RBP4: variants seen among roughly 807,000 people sequenced by gnomAD.
RBP4 encodes the protein retinol binding protein 4, also known as retinol-binding protein 4.
Under a neutral mutation model 26.2 loss-of-function variants are expected in RBP4, and 9 were observed. That is an observed-to-expected ratio of 0.34 (90% confidence interval 0.21 to 0.60). The LOEUF is 0.60. Among genes scored for constraint, RBP4 ranks in the 20% least tolerant of loss-of-function variants. The probability of loss-of-function intolerance (pLI) is 0.80; values close to 1 mark genes in which losing one functional copy is unlikely to be tolerated. For missense variants in RBP4, 244 were observed against 271.3 expected (o/e 0.90, Z 0.71); for synonymous variants, 114 against 111.0 (o/e 1.03, Z -0.17).
Position 93,600,993 on chromosome 10 carries a change from C to T in RBP4, c.36G>A (p.Ala12=), listed in dbSNP as rs1455831085. ...KWVWALLLLA[A]LGSGRAERDC... The stretch of plus-strand genomic sequence containing the variant: ...CGCGCTCCGCGCGGCCGCTGCCCAG[C>T]GCCGCCAACAGCAAGAGCGCCCACA... The change falls in exon 2 of 6, where the codon GCG becomes GCA. Residue 12 remains alanine, a synonymous_variant. Coordinates refer to ENST00000371464, the MANE Select transcript of RBP4 (RefSeq NM_006744.4). 2 of 1,612,154 alleles carry T rather than the reference C, an allele frequency of 1.2e-6. No homozygotes were observed. The highest frequency in any genetic ancestry group is 1.7e-6 in the Non-Finnish European group (2 of 1,179,720).
Position 93,600,700 on chromosome 10 carries a change from C to A in RBP4, c.215G>T (p.Ser72Ile), listed in dbSNP as rs1208647799. Reference protein sequence around the residue: ...EFSVDETGQMSATAKGRVRLL... With the variant: ...EFSVDETGQMIATAKGRVRLL... ...ACGGACTCGGCCCTTGGCTGTGGCG[C>A]TCATCTGGCCGGTCTCGTCCACGGA... Residue 72 changes from serine (S) to isoleucine (I), a missense_variant, in exon 3 of 6, where the codon AGC becomes ATC. Coordinates refer to ENST00000371464, the MANE Select transcript of RBP4 (RefSeq NM_006744.4). The A allele has an allele frequency of 1.2e-6, 2 of 1,610,698 alleles. No individual in the cohort carries two copies. The highest frequency in any genetic ancestry group is 2.7e-5 in the African/African-American group (2 of 74,906).
At chr10:93,593,432 C>T (rs372576568) in intron 5 of RBP4, among the ~76,000 whole-genome samples, 8 of 152,164 alleles carry the variant, frequency 5.3e-5, no homozygotes, top group Non-Finnish European at 1.2e-4. Context: ...GGAGTTTTTA[C>T]GTCAATGGCC....
At chr10:93,597,481 C>T (rs1457224407) in intron 4 of RBP4, among the ~76,000 whole-genome samples, 1 of 152,212 alleles carries the variant, frequency 6.6e-6, no homozygotes, top group Non-Finnish European at 1.5e-5. Context: ...TCTTTATCCC[C>T]ATTTCATAGT....
chr10:93,592,123 CAA>C lies in RBP4; in HGVS notation c.569-13_569-12del. On this transcript the variant is annotated splice_polypyrimidine_tract_variant and intron_variant, in intron 5 of 5. Transcript: ENST00000371464. ...TGCCATCGCAGTAACCTGGAAAATA[CAA>C]AACAAAGCCATTAACGACAGAAAGT... 1 of 1,613,884 alleles carries C rather than the reference CAA, an allele frequency of 6.2e-7. No homozygotes were observed. The highest frequency in any genetic ancestry group is 8.5e-7 in the Non-Finnish European group (1 of 1,179,750).
Position 93,601,163 on chromosome 10 carries a change from C to G in RBP4, c.-19+8G>C. ...GCCGCCGGCCCCGAGGCCCCGGCCG[C>G]GACTCACCACCGGGAGGGGAACCGC... On this transcript the variant is annotated splice_region_variant and intron_variant, in intron 1 of 5. Coordinates refer to ENST00000371464, the MANE Select transcript of RBP4 (RefSeq NM_006744.4). 2 of 1,455,678 alleles carry G rather than the reference C, an allele frequency of 1.4e-6. No homozygotes were observed. Among genetic ancestry groups the G allele is most frequent in the South Asian group, 2.8e-5 (2 of 71,156 alleles). 90.2% of individuals were successfully genotyped at this position (1,455,678 alleles called of 1,614,324 possible).
chr10:93,597,858 T>C (rs1015992265), intron 4 of RBP4, among the ~76,000 whole-genome samples: 3 of 152,180 alleles, frequency 2.0e-5, no homozygotes, highest in African/African-American at 7.2e-5. Context: ...CAAATCCCTC[T>C]GTCCAAGTCA....
chr10:93,591,750 A>G lies in RBP4; in HGVS notation c.*325T>C. The G allele has an allele frequency of 3.0e-6, 1 of 336,110 alleles. No homozygotes were observed. Among genetic ancestry groups the G allele is most frequent in the Non-Finnish European group, 5.5e-6 (1 of 180,664 alleles). 20.8% of individuals were successfully genotyped at this position (336,110 alleles called of 1,614,324 possible). On this transcript the variant is annotated 3_prime_UTR_variant, in exon 6 of 6. Transcript: ENST00000371464. ...TAGGCACTAGAACAGGCCAAAGGTC[A>G]GAAAGAGCCACGTGCTCCTGGTATA...
rs1277908118 is a variant in RBP4, at chr10:93,600,165, T to C, written c.355+228A>G. Reference sequence around the variant, plus strand: ...AAATGACACCTGACAAACCGAAAGGTCCTTTTGAGCTTAGGCCAGGTTTCT... The same window carrying C: ...AAATGACACCTGACAAACCGAAAGGCCCTTTTGAGCTTAGGCCAGGTTTCT... On this transcript the variant is annotated intron_variant, in intron 4 of 5. Transcript: ENST00000371464. 3.3e-5 allele frequency among the ~76,000 whole-genome samples: 5 copies of C among 152,016 alleles called. No homozygotes were observed. The East Asian group carries it at 9.7e-4, about 29-fold the overall frequency.
rs1270239118 is a variant in RBP4 at position 93,592,177 on chromosome 10, ACATCAT to A, written c.569-71_569-66del. ...GACCCAGTTTTTATGTAGATAATGA[ACATCAT>A]GATGGCCTTAGAGCTGGCTTCATTC... On this transcript the variant is annotated intron_variant, in intron 5 of 5. Transcript: ENST00000371464. 58 of 1,362,596 alleles carry A rather than the reference ACATCAT, an allele frequency of 4.3e-5. 1 individual carries two copies. In the Middle Eastern group the frequency reaches 5.3e-4, roughly 13 times the overall value. The allele number at this position is 1,362,596 out of a possible 1,614,324, so 84.4% of individuals were successfully genotyped here. A position where few individuals can be genotyped will look rare whatever the true frequency, so the allele number is the denominator to read the frequency against.
At chr10:93,601,085 C>A in intron 1 of RBP4, 39 bp from the exon 2 acceptor site, 1 of 1,588,328 alleles carries the variant, frequency 6.3e-7, no homozygotes, top group Non-Finnish European at 8.5e-7. Context: ...CGGCAGCCGA[C>A]CCCCGCCGCC....
chr10:93,600,086 CAGG>C (rs903047027), intron 4 of RBP4, among the ~76,000 whole-genome samples: 1 of 152,166 alleles, frequency 6.6e-6, no homozygotes, highest in Non-Finnish European at 1.5e-5. Flanking sequence ...ATGTGAAAGA[CAGG>C]AGGAGAAAGC....
At chr10:93,599,951 T>C (rs1270044572) in intron 4 of RBP4, among the ~76,000 whole-genome samples, 2 of 152,154 alleles carry the variant, frequency 1.3e-5, no homozygotes, top group Non-Finnish European at 2.9e-5. Flanking sequence ...TCCACCCCTA[T>C]GCACAGTGTT....
intron 4 of RBP4, 45 bp downstream of exon 4, chr10:93,600,348 T>C (rs929230291): frequency 1.3e-5 from 20 of 1,541,032 alleles, no homozygotes; most frequent in Middle Eastern, 1.7e-4. Context: ...TTTGGCCCGG[T>C]AGGCGCCCCA....
At chr10:93,597,962 G>C (rs2058312785) in intron 4 of RBP4, among the ~76,000 whole-genome samples, 1 of 152,196 alleles carries the variant, frequency 6.6e-6, no homozygotes. Context: ...ATGTAAAACA[G>C]AACAAGGTAG....
In RBP4 at chr10:93,600,944, C is replaced by T; in HGVS notation, c.85G>A (p.Val29Ile). The T allele has an allele frequency of 6.2e-7, 1 of 1,612,522 alleles. No homozygotes were observed. Among genetic ancestry groups the T allele is most frequent in the South Asian group, 1.1e-5 (1 of 91,086 alleles). ...ERDCRVSSFR[V>I]KENFDKARFS... ...CGAGCCTTGTCGAAGTTCTCCTTGA[C>T]TCGGAAGCTGCTCACTCGGCAGTCG... is the stretch of plus-strand genomic sequence containing the variant. Residue 29 changes from valine to isoleucine, a missense_variant, in exon 2 of 6, where the codon GTC (valine) becomes ATC (isoleucine). Transcript: ENST00000371464.
intron 4 of RBP4, among the ~76,000 whole-genome samples, chr10:93,597,797 G>A (rs1369269547): frequency 6.6e-6 from 1 of 152,228 alleles, no homozygotes; most frequent in Non-Finnish European, 1.5e-5. Context: ...GAGATGCAGT[G>A]TGTGGAGCAG....
intron 4 of RBP4, among the ~76,000 whole-genome samples, chr10:93,594,342 T>TA (rs1245206206): frequency 1.3e-5 from 2 of 151,874 alleles, no homozygotes; most frequent in Non-Finnish European, 2.9e-5. Flanking sequence ...ACCAAGAATG[T>TA]GGGCTCATCA....
intron 4 of RBP4, among the ~76,000 whole-genome samples, chr10:93,598,398 G>C (rs568023272): frequency 2.0e-5 from 3 of 152,196 alleles, no homozygotes; most frequent in Admixed American, 6.5e-5. Flanking sequence ...CATATCTAAA[G>C]TTCCACAAGT....
At position 93,593,985 on chromosome 10, in the gene RBP4, A is replaced by G; in HGVS notation, c.406T>C (p.Tyr136His). 1 of 1,613,956 alleles carries G rather than the reference A, an allele frequency of 6.2e-7. No individual in the cohort carries two copies. Among genetic ancestry groups the G allele is most frequent in the Non-Finnish European group, 8.5e-7 (1 of 1,180,026 alleles). The change falls in exon 5 of 6, where the codon TAC (tyrosine) becomes CAC (histidine). Residue 136 changes from tyrosine to histidine, a missense_variant. Physicochemically the swap from Tyr to His is moderately conservative, Grantham distance 83. Transcript: ENST00000371464. ...DTDYDTYAVQYSCRLLNLDGT... is the reference protein window; with the variant it reads ...DTDYDTYAVQHSCRLLNLDGT... ...TCGAGGTTCAGGAGGCGGCAGGAGTACTGCACGGCATACGTGTCGTAGTCT... is the reference window on the plus strand; with the variant it reads ...TCGAGGTTCAGGAGGCGGCAGGAGTGCTGCACGGCATACGTGTCGTAGTCT...
Sources: gnomAD v4.1 joint callset for allele counts (sites outside exome capture counted in the v4.1 genomes callset) on GRCh38, gnomAD v4.1.1 for gene constraint, MANE v1.5 for transcripts, NCBI Gene and HGNC (gene_info 2026-07-23, HGNC 2026-07-21) for gene names.